Variants in SLC12A1 observed in about 807,000 individuals in gnomAD.
SLC12A1 encodes the protein Na-K-2Cl cotransporter.
Under a neutral mutation model 130.4 loss-of-function variants are expected in SLC12A1, and 89 were observed. The observed-to-expected ratio is 0.68, with a 90% CI of 0.58 to 0.81. The LOEUF (loss-of-function observed/expected upper bound fraction) is 0.81, where lower values mean the gene tolerates loss of function less well. SLC12A1 is among the 40% of genes least tolerant of loss of function. SLC12A1 has a pLI of 0.00. For missense variants in SLC12A1, 1,310 were observed against 1,336.4 expected (o/e 0.98, Z 0.31); for synonymous variants, 499 against 460.0 (o/e 1.08, Z -1.09).
At chr15:48,214,676 CAT>C (rs1250678359) in intron 2 of SLC12A1, among the ~76,000 whole-genome samples, 19 of 151,990 alleles carry the variant, frequency 1.3e-4, no homozygotes, top group African/African-American at 3.9e-4. Flanking sequence ...TGGTTAGAAT[CAT>C]ATGTTTTTCA....
chr15:48,240,295 T>C (rs555632511), intron 9 of SLC12A1, among the ~76,000 whole-genome samples: 65 of 151,952 alleles, frequency 4.3e-4, no homozygotes, highest in African/African-American at 1.4e-3. Context: ...GCCTTCTTTT[T>C]CCTTCTGTGT....
intron 15 of SLC12A1, among the ~76,000 whole-genome samples, chr15:48,253,843 T>A (rs1441549368): frequency 6.6e-6 from 1 of 152,268 alleles, no homozygotes; most frequent in Non-Finnish European, 1.5e-5. Flanking sequence ...GATGATTTTT[T>A]AAAAGCCATT....
rs777963025 is a variant in SLC12A1, at chr15:48,259,193, C to T, written c.2043-7C>T. The stretch of plus-strand genomic sequence containing the variant: ...GGCTCATTTTCACATCTTTTTTTTA[C>T]TTCCAGGCCCCAGTGCATTGTCTTA... On this transcript the variant is annotated splice_polypyrimidine_tract_variant and splice_region_variant and intron_variant, in intron 16 of 26. Coordinates refer to ENST00000380993, the MANE Select transcript of SLC12A1 (RefSeq NM_000338.3). 1.3e-6 allele frequency: 2 copies of T among 1,578,704 alleles called. No homozygotes were observed. Among genetic ancestry groups the T allele is most frequent in the Admixed American group, 1.7e-5 (1 of 59,776 alleles).
intron 20 of SLC12A1, among the ~76,000 whole-genome samples, chr15:48,279,836 A>G (rs1277444717): frequency 6.6e-6 from 1 of 152,180 alleles, no homozygotes; most frequent in Admixed American, 6.5e-5. Flanking sequence ...GGCTTAGCAA[A>G]ATAAAGACAG....
At chr15:48,229,664 A>AT (rs1174010720) in intron 6 of SLC12A1, among the ~76,000 whole-genome samples, 1 of 152,248 alleles carries the variant, frequency 6.6e-6, no homozygotes, top group Non-Finnish European at 1.5e-5. Context: ...GCAACATCAG[A>AT]TAAATAATGG....
chr15:48,236,236 CA>C (rs1221668068), intron 9 of SLC12A1, among the ~76,000 whole-genome samples: 1 of 151,974 alleles, frequency 6.6e-6, no homozygotes, highest in Non-Finnish European at 1.5e-5. Flanking sequence ...ACATGAAAAA[CA>C]TATGCATTGT....
chr15:48,206,557 C>G (rs889354665), intron 1 of SLC12A1, among the ~76,000 whole-genome samples: 1 of 152,036 alleles, frequency 6.6e-6, no homozygotes, highest in African/African-American at 2.4e-5. Flanking sequence ...ATGAGAGAGA[C>G]AAGTTTTTAT....
chr15:48,249,818 G>C (rs2041626818), intron 14 of SLC12A1, 142 bp downstream of exon 14: 4 of 637,598 alleles, frequency 6.3e-6, no homozygotes, highest in Non-Finnish European at 1.1e-5. Flanking sequence ...ACTTTATTTT[G>C]GTGAGTTTGG....
intron 20 of SLC12A1, among the ~76,000 whole-genome samples, chr15:48,283,940 T>C (rs1274653726): frequency 6.6e-6 from 1 of 152,216 alleles, no homozygotes; most frequent in Non-Finnish European, 1.5e-5. Context: ...TTTACCCTGA[T>C]TCAGTGCAGG....
At chr15:48,230,268 T>G (rs544711646) in intron 6 of SLC12A1, 125 bp from the exon 7 acceptor site, 1 of 609,662 alleles carries the variant, frequency 1.6e-6, no homozygotes, top group African/African-American at 1.8e-5. Flanking sequence ...GAATACTCCA[T>G]TTTTCTATTA....
chr15:48,225,958 T>A, intron 4 of SLC12A1: 1 of 901,068 alleles, frequency 1.1e-6, no homozygotes, highest in South Asian at 5.1e-5. Flanking sequence ...GTAATTAAAC[T>A]TGTGACCCGC....
At chr15:48,254,233 G>A (rs1421328553) in intron 15 of SLC12A1, among the ~76,000 whole-genome samples, 1 of 151,750 alleles carries the variant, frequency 6.6e-6, no homozygotes, top group Non-Finnish European at 1.5e-5. Flanking sequence ...ACTTCTAGAA[G>A]TTTTAATGCT....
At chr15:48,229,938 G>C (rs1018732290) in intron 6 of SLC12A1, among the ~76,000 whole-genome samples, 1 of 152,140 alleles carries the variant, frequency 6.6e-6, no homozygotes, top group African/African-American at 2.4e-5. Context: ...TGAGCTTACA[G>C]TTCACAAGGT....
chr15:48,292,558 A>T (rs1033577979), intron 24 of SLC12A1, among the ~76,000 whole-genome samples: 4 of 152,330 alleles, frequency 2.6e-5, no homozygotes, highest in African/African-American at 9.6e-5. Flanking sequence ...CCAAAATGCG[A>T]TGGACTGGGT....
intron 22 of SLC12A1, 85 bp from the exon 23 acceptor site, chr15:48,288,320 A>C (rs1597456338): frequency 9.5e-7 from 1 of 1,050,548 alleles, no homozygotes; most frequent in African/African-American, 1.6e-5. Context: ...AGAGCTATCA[A>C]TGTGGTAATG....
intron 20 of SLC12A1, among the ~76,000 whole-genome samples, chr15:48,281,033 G>A (rs1199065931): frequency 2.0e-5 from 3 of 152,134 alleles, no homozygotes; most frequent in African/African-American, 4.8e-5. Context: ...GGTAATAAAC[G>A]GGAGGGGTGG....
chr15:48,266,279 G>T (rs1161397090), intron 17 of SLC12A1, among the ~76,000 whole-genome samples: 2 of 152,136 alleles, frequency 1.3e-5, no homozygotes, highest in African/African-American at 4.8e-5. Flanking sequence ...CACATCCGGG[G>T]CTTTGATGAC....
chr15:48,222,831 C>G (rs974903371), intron 4 of SLC12A1: 19 of 152,168 alleles, frequency 1.2e-4, no homozygotes, highest in African/African-American at 4.6e-4. Flanking sequence ...TTTTCAAGCC[C>G]AGACCCTGGG....
chr15:48,228,967 G>A (rs1395743855), intron 5 of SLC12A1: 3 of 403,182 alleles, frequency 7.4e-6, no homozygotes, highest in Non-Finnish European at 1.3e-5. Context: ...TTTTAATAGA[G>A]TGGGCTTTAT....
Sources: allele counts gnomAD v4.1 joint callset (sites outside exome capture counted in the v4.1 genomes callset), GRCh38; gene constraint gnomAD v4.1.1; transcripts MANE v1.5; gene names NCBI Gene and HGNC (gene_info 2026-07-23, HGNC 2026-07-21).